DAB1: variants seen among roughly 807,000 people sequenced by gnomAD.
DAB1 encodes disabled homolog 1.
A neutral mutation model predicts 64.6 loss-of-function variants in DAB1; 15 were observed. The ratio of observed to expected loss-of-function variants is 0.23; its 90% CI spans 0.16 to 0.36. DAB1 has a LOEUF of 0.36. Ranked by LOEUF, DAB1 falls within the 10% of genes least tolerant of loss-of-function variation. DAB1 has a pLI of 1.00. For missense variants in DAB1, 596 were observed against 706.7 expected (o/e 0.84, Z 1.78); for synonymous variants, 235 against 251.9 (o/e 0.93, Z 0.64).
intron 7 of DAB1, among the ~76,000 whole-genome samples, chr1:57,489,584 A>G (rs1414519358): frequency 3.3e-5 from 5 of 152,196 alleles, no homozygotes; most frequent in African/African-American, 1.2e-4. Flanking sequence ...GTATGTCTAA[A>G]TTAGACTTCC....
chr1:57,911,007 G>C (rs770942875), intron 5 of DAB1, among the ~76,000 whole-genome samples: 39 of 152,306 alleles, frequency 2.6e-4, no homozygotes, highest in Non-Finnish European at 4.0e-4. Context: ...AAATATGTAG[G>C]AGCAGCTATG....
chr1:57,202,329 T>C (rs115246), intron 2 of DAB1, among the ~76,000 whole-genome samples: 70,439 of 151,942 alleles, frequency 0.46, 16,552 homozygotes, highest in Middle Eastern at 0.55. Context: ...AATGTGCAGC[T>C]TTACATTTTT....
chr1:57,443,843 CT>C (rs1304113277), intron 7 of DAB1, among the ~76,000 whole-genome samples: 3 of 152,202 alleles, frequency 2.0e-5, no homozygotes, highest in Non-Finnish European at 4.4e-5. Context: ...TTCCTTCTCC[CT>C]GTTTGCACTC....
At chr1:57,321,218 CA>C (rs1485406190) in intron 1 of DAB1, among the ~76,000 whole-genome samples, 1 of 152,066 alleles carries the variant, frequency 6.6e-6, no homozygotes, top group African/African-American at 2.4e-5. Context: ...AAATAGAATC[CA>C]AAAAATGTAT....
At chr1:57,377,430 C>T (rs945008132) in intron 1 of DAB1, among the ~76,000 whole-genome samples, 6 of 152,078 alleles carry the variant, frequency 3.9e-5, no homozygotes, top group Admixed American at 1.3e-4. Context: ...TCCACAGAAT[C>T]GAAATCTTTG....
intron 5 of DAB1, among the ~76,000 whole-genome samples, chr1:58,139,810 C>T (rs1654174336): frequency 6.6e-6 from 1 of 152,184 alleles, no homozygotes; most frequent in African/African-American, 2.4e-5. Flanking sequence ...TTCAAACTTA[C>T]CTATAAAATG....
chr1:57,630,479 G>C (rs1425728070), intron 7 of DAB1, among the ~76,000 whole-genome samples: 2 of 152,144 alleles, frequency 1.3e-5, no homozygotes, highest in Non-Finnish European at 2.9e-5. Context: ...TTCACCCTAA[G>C]GGTAGACAAC....
intron 1 of DAB1, among the ~76,000 whole-genome samples, chr1:57,305,422 T>A (rs1199955195): frequency 6.6e-6 from 1 of 152,140 alleles, no homozygotes; most frequent in Non-Finnish European, 1.5e-5. Flanking sequence ...TCCCCGTAAG[T>A]GGCCAAAGGG....
At chr1:57,678,593 A>G (rs1646596521) in intron 6 of DAB1, among the ~76,000 whole-genome samples, 1 of 152,120 alleles carries the variant, frequency 6.6e-6, no homozygotes, top group Admixed American at 6.6e-5. Context: ...GGGGTAGACT[A>G]GGAAAAGAGG....
At chr1:58,378,969 T>A (rs1444171599) in intron 3 of DAB1, among the ~76,000 whole-genome samples, 42 of 138,038 alleles carry the variant, frequency 3.0e-4, no homozygotes, top group Non-Finnish European at 5.9e-4. Context: ...CCCCTTTCTT[T>A]GACTCGGAAA....
chr1:57,774,455 C>G (rs1277552627), intron 6 of DAB1, among the ~76,000 whole-genome samples: 1 of 151,676 alleles, frequency 6.6e-6, no homozygotes, highest in Non-Finnish European at 1.5e-5. Flanking sequence ...ACTAGCAGTT[C>G]CAGTACAATG....
chr1:57,600,600 C>G (rs1645566014), intron 7 of DAB1, among the ~76,000 whole-genome samples: 1 of 152,234 alleles, frequency 6.6e-6, no homozygotes, highest in East Asian at 1.9e-4. Context: ...GGCAGGGCCT[C>G]TTTGAACCAC....
intron 3 of DAB1, among the ~76,000 whole-genome samples, chr1:58,494,995 A>G (rs1206788861): frequency 6.6e-6 from 1 of 152,206 alleles, no homozygotes. Context: ...CACTATTCAC[A>G]ATAGCAAAGA....
intron 4 of DAB1, among the ~76,000 whole-genome samples, chr1:58,259,226 G>A (rs1254537270): frequency 6.6e-6 from 1 of 152,188 alleles, no homozygotes; most frequent in African/African-American, 2.4e-5. Flanking sequence ...AGATGGAGCA[G>A]TGTGCACATG....
chr1:58,372,841 C>T (rs1275594629), intron 3 of DAB1, among the ~76,000 whole-genome samples: 1 of 152,132 alleles, frequency 6.6e-6, no homozygotes, highest in Non-Finnish European at 1.5e-5. Flanking sequence ...TTCCATTCAC[C>T]TTCCATCATG....
rs755457249 is a variant in DAB1, at chr1:57,010,753, A to G, written c.1610T>C (p.Phe537Ser). The G allele has an allele frequency of 2.5e-6, 4 of 1,598,044 alleles. No homozygotes were observed. In the Admixed American group the frequency reaches 6.8e-5, roughly 27 times the overall value. ...ACTGGGCTCCCCACTGGGCTCACCA[A>G]ATGGATCACTGTTGGATGAGGCCTG... is the stretch of plus-strand genomic sequence containing the variant. ...GSQASSNSDPFGEPSGEPSGD... is the reference protein window; with the variant it reads ...GSQASSNSDPSGEPSGEPSGD... The change falls in exon 14 of 15, where the codon TTT becomes TCT. Residue 537 changes from phenylalanine (F) to serine (S), a missense_variant. Physicochemically the swap from Phe to Ser is radical, Grantham distance 155. This residue lies in a region of DAB1 where 377 missense variants were observed against 400.4 expected (regional missense o/e 0.94). Coordinates refer to ENST00000371236, the MANE Select transcript of DAB1 (RefSeq NM_001365792.1).
chr1:58,421,634 T>G lies in DAB1; in HGVS notation n.258-78231A>C, dbSNP rs114195755. Reference sequence around the variant, plus strand: ...AGAGCTTTCATGCTGGGGGTTTTGCTGGGCTTGTCAGACCACACAGAGAGT... The same window carrying G: ...AGAGCTTTCATGCTGGGGGTTTTGCGGGGCTTGTCAGACCACACAGAGAGT... On this transcript the variant is annotated intron_variant and non_coding_transcript_variant, in intron 3 of 20. Coordinates refer to the DAB1 transcript ENST00000485760. 5.8e-3 allele frequency among the ~76,000 whole-genome samples: 885 copies of G among 152,274 alleles called. 6 individuals are homozygous for G. Among genetic ancestry groups the G allele is most frequent in the African/African-American group, 0.02 (849 of 41,544 alleles).
In DAB1 at chr1:57,208,783, T is replaced by C. The variant is rs146678196; in HGVS notation, c.68-63354A>G. On this transcript the variant is annotated intron_variant, in intron 2 of 14. Coordinates refer to ENST00000371236, the MANE Select transcript of DAB1 (RefSeq NM_001365792.1). ...ATCCCCATTTTGTAGATGAGGAAAC[T>C]GAGGCCTAGAAAAGTTAAGAGCTAA... 7.9e-5 allele frequency among the ~76,000 whole-genome samples: 12 copies of C among 152,272 alleles called. No homozygotes were observed. The East Asian group carries it at 2.3e-3, about 29-fold the overall frequency.
chr1:58,320,258 T>C (rs1214666785), intron 4 of DAB1, among the ~76,000 whole-genome samples: 1 of 152,176 alleles, frequency 6.6e-6, no homozygotes, highest in Non-Finnish European at 1.5e-5. Context: ...GTGACACAAA[T>C]TGAATACTGA....
Sources: gnomAD v4.1 joint callset for allele counts (sites outside exome capture counted in the v4.1 genomes callset) on GRCh38, gnomAD v4.1.1 for gene constraint, gnomAD v4.1.1 regional missense constraint, MANE v1.5 for transcripts, NCBI Gene and HGNC (gene_info 2026-07-23, HGNC 2026-07-21) for gene names.